CLIC6: variants seen among roughly 807,000 people sequenced by gnomAD.
CLIC6 encodes the protein chloride intracellular channel protein 6.
CLIC6 carries 39 observed loss-of-function variants against 49.2 expected under a neutral mutation model. That is an observed-to-expected ratio of 0.79 (90% CI 0.61 to 1.04). CLIC6 has a LOEUF of 1.04. Ranked by LOEUF, CLIC6 falls within the 50% of genes least tolerant of loss-of-function variation. The pLI is 0.00. For synonymous variants in CLIC6, 446 were observed against 433.4 expected, an observed-to-expected ratio of 1.03 and a Z score of -0.36; for missense variants, 988 against 993.1, an observed-to-expected ratio of 0.99 and a Z score of 0.07.
At chr21:34,692,261 A>C (rs1254891381) in intron 1 of CLIC6, among the ~76,000 whole-genome samples, 2 of 152,240 alleles carry the variant, frequency 1.3e-5, no homozygotes, top group African/African-American at 2.4e-5. Context: ...GTGTCAACTC[A>C]TGGGGAGGTT....
intron 1 of CLIC6, 92 bp from the exon 2 acceptor site, chr21:34,707,188 C>T (rs531503311): frequency 1.0e-6 from 1 of 981,128 alleles, no homozygotes. Flanking sequence ...CCGTTCTTAT[C>T]AACCTGCAAT....
At chr21:34,686,688 C>A (rs181348424) in intron 1 of CLIC6, among the ~76,000 whole-genome samples, 1 of 152,198 alleles carries the variant, frequency 6.6e-6, no homozygotes, top group Non-Finnish European at 1.5e-5. Flanking sequence ...GGAGGGGCTA[C>A]CTGTGGGTGC....
chr21:34,690,211 G>A lies in CLIC6; in HGVS notation c.1375-17069G>A, dbSNP rs546924535. Among the ~76,000 whole-genome samples the A allele has an allele frequency of 2.6e-5, 4 of 152,248 alleles. No homozygotes were observed. The South Asian group carries it at 6.2e-4, about 24-fold the overall frequency. ...AGCTCAGAGAGGGTGAGGGCACAGCGCTGCCTGGATATCCAGCGGTGCAGG... is the reference window on the plus strand; with the variant it reads ...AGCTCAGAGAGGGTGAGGGCACAGCACTGCCTGGATATCCAGCGGTGCAGG... On this transcript the variant is annotated intron_variant, in intron 1 of 5. Transcript: ENST00000349499.
intron 1 of CLIC6, among the ~76,000 whole-genome samples, chr21:34,676,887 T>C (rs16992123): frequency 0.016 from 2,363 of 152,292 alleles, 66 homozygotes; most frequent in African/African-American, 0.054. Context: ...TATAAAGGTA[T>C]TCAAATCTTC....
At chr21:34,700,215 A>T (rs1990160698) in intron 1 of CLIC6, among the ~76,000 whole-genome samples, 1 of 151,916 alleles carries the variant, frequency 6.6e-6, no homozygotes, top group African/African-American at 2.4e-5. Flanking sequence ...GATTTGGCCG[A>T]GGAGGGCGGA....
At chr21:34,712,367 A>C (rs1293664968) in intron 5 of CLIC6, among the ~76,000 whole-genome samples, 1 of 152,248 alleles carries the variant, frequency 6.6e-6, no homozygotes, top group African/African-American at 2.4e-5. Context: ...AAGGGATGAC[A>C]GATCATCGAC....
chr21:34,715,011 T>C (rs2056078440), intron 5 of CLIC6, among the ~76,000 whole-genome samples: 1 of 152,230 alleles, frequency 6.6e-6, no homozygotes, highest in African/African-American at 2.4e-5. Context: ...TCAAACAATT[T>C]AGGAGGCTCT....
At chr21:34,706,789 G>C (rs796255705) in intron 1 of CLIC6, among the ~76,000 whole-genome samples, 16 of 152,266 alleles carry the variant, frequency 1.1e-4, no homozygotes, top group African/African-American at 2.9e-4. Context: ...CTCAAGGCAT[G>C]GAAATACTAC....
rs573184557 is a variant in CLIC6 at position 34,672,963 on chromosome 21, C to T, written c.1374+2201C>T. 5.3e-5 allele frequency among the ~76,000 whole-genome samples: 8 copies of T among 152,326 alleles called. No homozygotes were observed. The East Asian group carries it at 1.2e-3, about 22-fold the overall frequency. ...CCTATTGTTACATCTGTGCTGCTCG[C>T]ATAACTTGCACTGATTTTGCACAGA... On this transcript the variant is annotated intron_variant, in intron 1 of 5. Coordinates refer to ENST00000349499, the MANE Select transcript of CLIC6 (RefSeq NM_053277.3).
In CLIC6 at chr21:34,669,495, G is replaced by A. The variant is rs1989481966; in HGVS notation, c.107G>A (p.Gly36Glu). The A allele has an allele frequency of 8.1e-7, 1 of 1,235,478 alleles. No individual in the cohort carries two copies. The allele number at this position is 1,235,478 out of a possible 1,614,324, so 76.5% of individuals were successfully genotyped here. Residue 36 changes from glycine to glutamate, a missense_variant, in exon 1 of 6, where the codon GGG becomes GAG. Gly to Glu is a moderately conservative substitution (Grantham distance 98). Coordinates refer to ENST00000349499, the MANE Select transcript of CLIC6 (RefSeq NM_053277.3). ...ERPGEPGAAG[G>E]EAEGPEGSEG... ...CCCGGAGAGCCAGGAGCCGCGGGCG[G>A]GGAGGCAGAAGGGCCGGAGGGGAGC...
At chr21:34,704,422 G>A (rs539508773) in intron 1 of CLIC6, among the ~76,000 whole-genome samples, 113 of 152,288 alleles carry the variant, frequency 7.4e-4, no homozygotes, top group African/African-American at 2.6e-3. Context: ...AGCAATTTGC[G>A]ATGAGGCAAT....
At chr21:34,711,973 A>G (rs1041822718) in intron 5 of CLIC6, among the ~76,000 whole-genome samples, 1 of 152,230 alleles carries the variant, frequency 6.6e-6, no homozygotes, top group Non-Finnish European at 1.5e-5. Flanking sequence ...TGACCAGCGT[A>G]GCATTGCAGA....
At chr21:34,677,293 C>T (rs945262997) in intron 1 of CLIC6, among the ~76,000 whole-genome samples, 3 of 152,196 alleles carry the variant, frequency 2.0e-5, no homozygotes, top group Admixed American at 2.0e-4. Flanking sequence ...GCTTTCAAAA[C>T]TTTGCTCTCA....
Position 34,669,302 on chromosome 21 carries a change from GC to G in CLIC6, c.-83del, listed in dbSNP as rs1207344981. The G allele has an allele frequency of 4.6e-6, 5 of 1,089,786 alleles. No individual in the cohort carries two copies. Among genetic ancestry groups the G allele is most frequent in the African/African-American group, 1.6e-5 (1 of 61,664 alleles). The allele number at this position is 1,089,786 out of a possible 1,614,324, so 67.5% of individuals were successfully genotyped here. On this transcript the variant is annotated 5_prime_UTR_variant, in exon 1 of 6. Coordinates refer to ENST00000349499, the MANE Select transcript of CLIC6 (RefSeq NM_053277.3). ...CGGCGTCCTTCAAGGAGCACAGAGG[GC>G]CCCGTAGCACGCCCCTTGCCCAGCG...
chr21:34,695,478 A>T (rs1222737218), intron 1 of CLIC6, among the ~76,000 whole-genome samples: 1 of 152,228 alleles, frequency 6.6e-6, no homozygotes, highest in East Asian at 1.9e-4. Flanking sequence ...TTGAGAGGTC[A>T]TTATTCTTCC....
At position 34,709,495 on chromosome 21, in the gene CLIC6, C is replaced by A. The variant is rs141470374; in HGVS notation, c.1856C>A (p.Thr619Lys). ...GRKFLDGDEL[T>K]LADCNLLPKL... ...AAGTTTCTGGATGGGGACGAGCTGACGCTGGCTGACTGCAACCTCTTACCC... is the reference window on the plus strand; with the variant it reads ...AAGTTTCTGGATGGGGACGAGCTGAAGCTGGCTGACTGCAACCTCTTACCC... Residue 619 changes from threonine to lysine, a missense_variant, in exon 5 of 6, where the codon ACG becomes AAG. This residue lies in a region of CLIC6 where 647 missense variants were observed against 596.9 expected (regional missense o/e 1.08). Transcript: ENST00000349499. 6.2e-7 allele frequency: 1 copy of A among 1,613,866 alleles called. No individual in the cohort carries two copies. Among genetic ancestry groups the A allele is most frequent in the East Asian group, 2.2e-5 (1 of 44,902 alleles).
chr21:34,699,570 T>A (rs1848434258), intron 1 of CLIC6, among the ~76,000 whole-genome samples: 1 of 152,052 alleles, frequency 6.6e-6, no homozygotes, highest in Non-Finnish European at 1.5e-5. Context: ...TGACCTATTA[T>A]CTGTTTTTAA....
At position 34,717,846 on chromosome 21, in the gene CLIC6, G is replaced by C. The variant is rs1231832193; in HGVS notation, c.*1364G>C. On this transcript the variant is annotated 3_prime_UTR_variant, in exon 6 of 6. Coordinates refer to ENST00000349499, the MANE Select transcript of CLIC6 (RefSeq NM_053277.3). ...CTCTAGGGACGATTCGTTTGAAAGAGAGTAAGATGCATTAACAGAAACTAT... is the reference window on the plus strand; with the variant it reads ...CTCTAGGGACGATTCGTTTGAAAGACAGTAAGATGCATTAACAGAAACTAT... 1.3e-5 allele frequency: 2 copies of C among 152,192 alleles called. No individual in the cohort carries two copies. Among genetic ancestry groups the C allele is most frequent in the African/African-American group, 4.8e-5 (2 of 41,444 alleles). The allele number at this position is 152,192 out of a possible 1,614,324, so 9.4% of individuals were successfully genotyped here.
intron 1 of CLIC6, among the ~76,000 whole-genome samples, chr21:34,694,025 T>C (rs1990047177): frequency 6.8e-6 from 1 of 148,136 alleles, no homozygotes; most frequent in Admixed American, 6.8e-5. Context: ...CAGGCTGGAG[T>C]GCAGTGGCAC....
Sources: gnomAD v4.1 joint callset for allele counts (sites outside exome capture counted in the v4.1 genomes callset) on GRCh38, gnomAD v4.1.1 for gene constraint, gnomAD v4.1.1 regional missense constraint, MANE v1.5 for transcripts, NCBI Gene and HGNC (gene_info 2026-07-23, HGNC 2026-07-21) for gene names.